The following TRMT61A variants were observed in gnomAD, a reference collection of about 807,000 sequenced individuals.
TRMT61A encodes the protein tRNA (adenine(58)-N(1))-methyltransferase catalytic subunit TRMT61A.
Under a neutral mutation model 21.3 loss-of-function variants are expected in TRMT61A, and 15 were observed. The observed-to-expected ratio is 0.70, with a 90% CI of 0.47 to 1.08. TRMT61A has a LOEUF of 1.08. Ranked by LOEUF, TRMT61A falls within the 50% of genes least tolerant of loss-of-function variation. TRMT61A has a pLI of 0.00. For synonymous variants in TRMT61A, 183 were observed against 185.5 expected, an observed-to-expected ratio of 0.99 and a Z score of 0.11; for missense variants, 352 against 426.7, an observed-to-expected ratio of 0.83 and a Z score of 1.54.
In TRMT61A at chr14:103,535,776, TC is replaced by T. The variant is rs778427221; in HGVS notation, c.*958del. 4 of 158,294 alleles carry T rather than the reference TC, an allele frequency of 2.5e-5. No homozygotes were observed. The highest frequency in any genetic ancestry group is 5.5e-5 in the Non-Finnish European group (4 of 72,110). 9.8% of individuals were successfully genotyped at this position (158,294 alleles called of 1,614,324 possible). ...CTTAAAGGCTAAGCTTAGGGGCATT[TC>T]CCAAAGTGGGGACAGAGGGCAGGAC... On this transcript the variant is annotated 3_prime_UTR_variant, in exon 4 of 4. Coordinates refer to ENST00000389749, the MANE Select transcript of TRMT61A (RefSeq NM_152307.3).
chr14:103,532,737 G>A lies in TRMT61A; in HGVS notation c.487G>A (p.Asp163Asn), dbSNP rs1353386009. The A allele has an allele frequency of 1.2e-6, 2 of 1,606,780 alleles. No homozygotes were observed. Among genetic ancestry groups the A allele is most frequent in the East Asian group, 4.5e-5 (2 of 44,222 alleles). Reference protein sequence around the residue: ...VGRWVTVRTQDVCRSGFGVSH... With the variant: ...VGRWVTVRTQNVCRSGFGVSH... ...CCGCTGGGTGACTGTGCGCACCCAG[G>A]ACGTGTGCCGCAGTGGCTTTGGCGT... Residue 163 changes from aspartate (D) to asparagine (N), a missense_variant, in exon 3 of 4, where the codon GAC becomes AAC. Asp to Asn is a conservative substitution (Grantham distance 23). Coordinates refer to ENST00000389749, the MANE Select transcript of TRMT61A (RefSeq NM_152307.3).
rs1173543187 is a variant in TRMT61A at position 103,534,686 on chromosome 14, G to A, written c.735G>A (p.Leu245=). The A allele has an allele frequency of 6.2e-7, 1 of 1,609,068 alleles. No individual in the cohort carries two copies. The highest frequency in any genetic ancestry group is 1.3e-5 in the African/African-American group (1 of 75,048). Residue 245 remains leucine (L), a synonymous_variant, in exon 4 of 4, where the codon CTG becomes CTA. Coordinates refer to ENST00000389749, the MANE Select transcript of TRMT61A (RefSeq NM_152307.3). ...PQVYNVRTVS[L]PPPDLGTGTD... ...TCTACAACGTGCGCACTGTCAGCCTGCCACCGCCCGACCTGGGCACAGGCA... is the reference window on the plus strand; with the variant it reads ...TCTACAACGTGCGCACTGTCAGCCTACCACCGCCCGACCTGGGCACAGGCA...
At chr14:103,532,152 T>A (rs563315039) in intron 2 of TRMT61A, among the ~76,000 whole-genome samples, 2 of 152,156 alleles carry the variant, frequency 1.3e-5, no homozygotes, top group African/African-American at 4.8e-5. Flanking sequence ...GGGCCACTGT[T>A]GACGGGGATT....
At chr14:103,532,959 G>T in intron 3 of TRMT61A, 111 bp downstream of exon 3, 2 of 1,393,844 alleles carry the variant, frequency 1.4e-6, no homozygotes, top group Non-Finnish European at 1.9e-6. Flanking sequence ...CACCATGGCA[G>T]TGGCCAGGCC....
In TRMT61A at chr14:103,532,727, GCGCACC is replaced by G. The variant is rs2075958898; in HGVS notation, c.479_484del (p.Arg160_Thr161del). On this transcript the variant is annotated inframe_deletion, in exon 3 of 4. Coordinates refer to ENST00000389749, the MANE Select transcript of TRMT61A (RefSeq NM_152307.3). Reference sequence around the variant, plus strand: ...ACCGTGTGGGCCGCTGGGTGACTGTGCGCACCCAGGACGTGTGCCGCAGTGGCTTTG... The same window carrying G: ...ACCGTGTGGGCCGCTGGGTGACTGTGCAGGACGTGTGCCGCAGTGGCTTTG... The G allele has an allele frequency of 7.5e-6, 12 of 1,610,292 alleles. No homozygotes were observed. Among genetic ancestry groups the G allele is most frequent in the Middle Eastern group, 1.6e-4 (1 of 6,080 alleles).
At chr14:103,530,480 G>A (rs116584801) in intron 2 of TRMT61A, among the ~76,000 whole-genome samples, 171 bp downstream of exon 2, 35 of 152,332 alleles carry the variant, frequency 2.3e-4, no homozygotes, top group African/African-American at 8.4e-4. Flanking sequence ...AGCCCGTTAG[G>A]AGGCTGGTGC....
chr14:103,529,635 G>T (rs901996615), intron 1 of TRMT61A, among the ~76,000 whole-genome samples: 1 of 152,266 alleles, frequency 6.6e-6, no homozygotes, highest in African/African-American at 2.4e-5. Flanking sequence ...TCCTGGAGAA[G>T]GGTGATGGGA....
rs763843776 is a variant in TRMT61A at position 103,530,259 on chromosome 14, TCATCA to T, written c.283_287del (p.Ile95HisfsTer13). 7.5e-6 allele frequency: 12 copies of T among 1,602,722 alleles called. No individual in the cohort carries two copies. The highest frequency in any genetic ancestry group is 1.7e-5 in the Admixed American group (1 of 59,846). ...ATCCTCTACTCCACAGACATCGCCC[TCATCA>T]CCATGATGTTGGAGCTTCGGCCCGG... is the stretch of plus-strand genomic sequence containing the variant. On this transcript the variant is annotated frameshift_variant, in exon 2 of 4. Transcript: ENST00000389749. LOFTEE classifies it high-confidence loss of function.
rs1595999469 is a variant in TRMT61A at position 103,530,409 on chromosome 14, A to G, written c.331+100A>G. 21 of 1,063,734 alleles carry G rather than the reference A, an allele frequency of 2.0e-5. No homozygotes were observed. In the South Asian group the frequency reaches 2.1e-4, roughly 11 times the overall value. The allele number at this position is 1,063,734 out of a possible 1,614,324, so 65.9% of individuals were successfully genotyped here. ...TTCCTACAGACACATGTGGCTCCTC[A>G]GTTTCTATTTTCACATCTTTCCGGG... On this transcript the variant is annotated intron_variant, in intron 2 of 3. Transcript: ENST00000389749.
In TRMT61A at chr14:103,534,701, G is replaced by C; in HGVS notation, c.750G>C (p.Leu250=). 6.2e-7 allele frequency: 1 copy of C among 1,607,958 alleles called. No homozygotes were observed. Among genetic ancestry groups the C allele is most frequent in the Non-Finnish European group, 8.5e-7 (1 of 1,179,378 alleles). The change falls in exon 4 of 4, where the codon CTG becomes CTC. Residue 250 remains leucine, a synonymous_variant. Transcript: ENST00000389749. ...CTGTCAGCCTGCCACCGCCCGACCT[G>C]GGCACAGGCACAGATGGCCCTGCCG... ...VRTVSLPPPD[L]GTGTDGPAGS...
rs2075972695 is a variant in TRMT61A, at chr14:103,535,969, T to TG, written c.*1153dup. On this transcript the variant is annotated 3_prime_UTR_variant, in exon 4 of 4. Coordinates refer to ENST00000389749, the MANE Select transcript of TRMT61A (RefSeq NM_152307.3). ...TTGGGAGCCTCTGTTTCCCCTGTGC[T>TG]GGGGGCCTTGAGTGCTATGCTAGCA... is the stretch of plus-strand genomic sequence containing the variant. 6.5e-6 allele frequency: 1 copy of TG among 153,352 alleles called. No individual in the cohort carries two copies. Among genetic ancestry groups the TG allele is most frequent in the African/African-American group, 2.4e-5 (1 of 41,448 alleles). 9.5% of individuals were successfully genotyped at this position (153,352 alleles called of 1,614,324 possible).
Position 103,535,138 on chromosome 14 carries a change from C to G in TRMT61A, c.*317C>G, listed in dbSNP as rs989611553. ...GGTGCAGGTGGGGGAGTCTGACCCC[C>G]TCCCAGGTGGGCCTAAGCAGGAAGG... On this transcript the variant is annotated 3_prime_UTR_variant, in exon 4 of 4. Coordinates refer to ENST00000389749, the MANE Select transcript of TRMT61A (RefSeq NM_152307.3). 4 of 609,120 alleles carry G rather than the reference C, an allele frequency of 6.6e-6. No individual in the cohort carries two copies. The highest frequency in any genetic ancestry group is 5.4e-5 in the African/African-American group (3 of 55,214). The allele number at this position is 609,120 out of a possible 1,614,324, so 37.7% of individuals were successfully genotyped here.
chr14:103,534,744 T>C lies in TRMT61A; in HGVS notation c.793T>C (p.Phe265Leu). Reference protein sequence around the residue: ...DGPAGSDTSPFRSGTPMKEAV... With the variant: ...DGPAGSDTSPLRSGTPMKEAV... ...CCCTGCCGGCTCCGACACCAGCCCC[T>C]TCCGCAGCGGCACGCCCATGAAGGA... Residue 265 changes from phenylalanine to leucine, a missense_variant, in exon 4 of 4, where the codon TTC becomes CTC. Phe to Leu is a conservative substitution (Grantham distance 22). Transcript: ENST00000389749. 6.3e-7 allele frequency: 1 copy of C among 1,597,064 alleles called. No individual in the cohort carries two copies. The highest frequency in any genetic ancestry group is 1.1e-5 in the South Asian group (1 of 89,774).
chr14:103,530,211 T>C lies in TRMT61A; in HGVS notation c.233T>C (p.Leu78Pro). The C allele has an allele frequency of 6.2e-7, 1 of 1,612,232 alleles. No homozygotes were observed. Among genetic ancestry groups the C allele is most frequent in the Non-Finnish European group, 8.5e-7 (1 of 1,179,390 alleles). ...VLHPTPELWT[L>P]NLPHRTQILY... Reference sequence around the variant, plus strand: ...CACCCCACGCCCGAGCTCTGGACGCTGAACCTGCCGCACCGCACGCAGATC... The same window carrying C: ...CACCCCACGCCCGAGCTCTGGACGCCGAACCTGCCGCACCGCACGCAGATC... The change falls in exon 2 of 4, where the codon CTG becomes CCG. Residue 78 changes from leucine to proline, a missense_variant. By Grantham distance (98) the Leu-to-Pro change is moderately conservative. Coordinates refer to ENST00000389749, the MANE Select transcript of TRMT61A (RefSeq NM_152307.3).
intron 3 of TRMT61A, among the ~76,000 whole-genome samples, chr14:103,534,162 G>C (rs1325662673): frequency 3.3e-5 from 5 of 152,322 alleles, no homozygotes; most frequent in African/African-American, 1.2e-4. Context: ...TGACAGCAGC[G>C]GCCCCCGCAC....
In TRMT61A at chr14:103,536,742, A is replaced by G. The variant is rs758157564; in HGVS notation, c.*1921A>G. 3 of 152,264 alleles carry G rather than the reference A, an allele frequency of 2.0e-5. No individual in the cohort carries two copies. The highest frequency in any genetic ancestry group is 1.9e-4 in the East Asian group (1 of 5,190). 9.4% of individuals were successfully genotyped at this position (152,264 alleles called of 1,614,324 possible). ...CGCAGCTCCATGGTTTATAGGACACATAGGCCTCAGGCACCGTAGGGTCCA... is the reference window on the plus strand; with the variant it reads ...CGCAGCTCCATGGTTTATAGGACACGTAGGCCTCAGGCACCGTAGGGTCCA... On this transcript the variant is annotated 3_prime_UTR_variant, in exon 4 of 4. Transcript: ENST00000389749.
At position 103,531,358 on chromosome 14, in the gene TRMT61A, T is replaced by C. The variant is rs1416727132; in HGVS notation, c.331+1049T>C. Among the ~76,000 whole-genome samples the C allele has an allele frequency of 2.0e-5, 3 of 151,798 alleles. No homozygotes were observed. Among genetic ancestry groups the C allele is most frequent in the Non-Finnish European group, 2.9e-5 (2 of 67,954 alleles). ...GAAGACCTCTCTGAGGAGGGGACAT[T>C]TGAGTTGAAAATGATGAGGAGGGAC... On this transcript the variant is annotated intron_variant, in intron 2 of 3. Transcript: ENST00000389749. This position sits in a 1 kb window ranked among gnomAD's most constrained non-coding sequence, Gnocchi z 5.1.
In TRMT61A at chr14:103,529,254, C is replaced by G; in HGVS notation, c.-37C>G. 3.1e-6 allele frequency: 1 copy of G among 324,056 alleles called. No individual in the cohort carries two copies. The highest frequency in any genetic ancestry group is 4.0e-5 in the Admixed American group (1 of 24,730). 20.1% of individuals were successfully genotyped at this position (324,056 alleles called of 1,614,324 possible). A position where few individuals can be genotyped will look rare whatever the true frequency, so the allele number is the denominator to read the frequency against. ...ACGTGTGGAGCCCCGGCAGCAGGAG[C>G]GTCGCAGGTGAGACTCCGCGGGGTA... On this transcript the variant is annotated 5_prime_UTR_variant, in exon 1 of 4. Transcript: ENST00000389749.
chr14:103,533,584 C>T (rs1444806905), intron 3 of TRMT61A, among the ~76,000 whole-genome samples: 1 of 152,158 alleles, frequency 6.6e-6, no homozygotes, highest in East Asian at 1.9e-4. Flanking sequence ...CACTTCTGGG[C>T]CTGGACCATA....
Sources: allele counts gnomAD v4.1 joint callset (sites outside exome capture counted in the v4.1 genomes callset), GRCh38; gene constraint gnomAD v4.1.1; non-coding constraint Gnocchi (gnomAD v3.1); transcripts MANE v1.5; gene names NCBI Gene and HGNC (gene_info 2026-07-23, HGNC 2026-07-21).